RALGAPA2: variants seen among roughly 807,000 people sequenced by gnomAD.
The protein encoded by RALGAPA2 is ral GTPase-activating protein subunit alpha-2.
RALGAPA2 carries 139 observed loss-of-function variants against 230.4 expected under a neutral mutation model. The observed-to-expected ratio is 0.60, with a 90% CI of 0.53 to 0.69. RALGAPA2 has a LOEUF of 0.69. Ranked by LOEUF, RALGAPA2 falls within the 30% of genes least tolerant of loss-of-function variation. RALGAPA2 has a pLI of 0.00. For synonymous variants in RALGAPA2, 847 were observed against 837.8 expected, an observed-to-expected ratio of 1.01 and a Z score of -0.19; for missense variants, 2,163 against 2,276.0, an observed-to-expected ratio of 0.95 and a Z score of 1.01.
intron 23 of RALGAPA2, among the ~76,000 whole-genome samples, chr20:20,547,894 T>C (rs942914715): frequency 6.6e-6 from 1 of 152,204 alleles, no homozygotes; most frequent in African/African-American, 2.4e-5. Context: ...GCACAACATG[T>C]TACTATACCG....
At chr20:20,541,560 A>T (rs1183017040) in intron 24 of RALGAPA2, among the ~76,000 whole-genome samples, 1 of 152,178 alleles carries the variant, frequency 6.6e-6, no homozygotes, top group African/African-American at 2.4e-5. Context: ...TACCACGTGG[A>T]TCCACTGGAC....
At chr20:20,430,390 T>A (rs565517169) in intron 37 of RALGAPA2, among the ~76,000 whole-genome samples, 71 of 152,352 alleles carry the variant, frequency 4.7e-4, no homozygotes, top group African/African-American at 1.6e-3. Flanking sequence ...CAGCAAGATC[T>A]TTCCCTTTAT....
chr20:20,608,113 A>C (rs879561288), intron 14 of RALGAPA2, among the ~76,000 whole-genome samples: 1 of 152,194 alleles, frequency 6.6e-6, no homozygotes, highest in Non-Finnish European at 1.5e-5. Flanking sequence ...AGCTTCTCCA[A>C]GGTTCCTTCA....
chr20:20,557,964 A>T (rs2064135964), intron 23 of RALGAPA2, among the ~76,000 whole-genome samples: 6 of 152,160 alleles, frequency 3.9e-5, no homozygotes, highest in Admixed American at 3.9e-4. Flanking sequence ...ATATTCGTGA[A>T]TAATGGGCCT....
At chr20:20,403,996 G>A (rs2059898690) in intron 38 of RALGAPA2, among the ~76,000 whole-genome samples, 1 of 152,230 alleles carries the variant, frequency 6.6e-6, no homozygotes, top group South Asian at 2.1e-4. Flanking sequence ...GGTCACAGCT[G>A]AGTGCTGCGG....
At chr20:20,694,568 T>C (rs1203858364) in intron 1 of RALGAPA2, among the ~76,000 whole-genome samples, 1 of 152,128 alleles carries the variant, frequency 6.6e-6, no homozygotes, top group African/African-American at 2.4e-5. Flanking sequence ...GCTAACAGCA[T>C]GTGAAGGCCT....
intron 37 of RALGAPA2, among the ~76,000 whole-genome samples, chr20:20,416,903 G>A (rs544305179): frequency 2.0e-5 from 3 of 152,236 alleles, no homozygotes; most frequent in Non-Finnish European, 2.9e-5. Context: ...AAGTGGCCCC[G>A]GACACAGGCA....
rs371931862 is a variant in RALGAPA2, at chr20:20,524,499, T to C, written c.3807A>G (p.Ala1269=). ...LLLCLLDWCM[A]LPVSVLLHPV... is the part of the protein sequence containing the mutation. ...GGTGGAGAAGGACACTCACGGGCAA[T>C]GCCATGCACCAGTCCAAGAGGCAGA... Residue 1269 remains alanine (A), a synonymous_variant, in exon 30 of 40, where the codon GCA becomes GCG. Coordinates refer to ENST00000202677, the MANE Select transcript of RALGAPA2 (RefSeq NM_020343.4). 1.7e-5 allele frequency: 28 copies of C among 1,613,704 alleles called. No homozygotes were observed. The African/African-American group carries it at 2.5e-4, about 15-fold the overall frequency.
chr20:20,507,541 G>A (rs945050654), intron 33 of RALGAPA2, among the ~76,000 whole-genome samples: 1 of 152,078 alleles, frequency 6.6e-6, no homozygotes, highest in Admixed American at 6.5e-5. Context: ...ATTTTTAGTA[G>A]AGACAGGGTT....
intron 37 of RALGAPA2, among the ~76,000 whole-genome samples, chr20:20,429,157 C>T (rs929033278): frequency 5.9e-5 from 9 of 152,204 alleles, no homozygotes; most frequent in African/African-American, 2.2e-4. Context: ...AAAGCAGAGA[C>T]AGGCAACAAA....
At chr20:20,594,073 T>C (rs2065375789) in intron 16 of RALGAPA2, among the ~76,000 whole-genome samples, 1 of 152,124 alleles carries the variant, frequency 6.6e-6, no homozygotes, top group African/African-American at 2.4e-5. Flanking sequence ...CCACGATGCT[T>C]AAGTGTGCTG....
At chr20:20,396,869 A>C in intron 38 of RALGAPA2, 135 bp from the exon 39 acceptor site, 1 of 729,280 alleles carries the variant, frequency 1.4e-6, no homozygotes, top group Admixed American at 2.6e-5. Flanking sequence ...GTCAATCAGT[A>C]AAAACTGAAC....
At chr20:20,564,513 T>C (rs1224192578) in intron 23 of RALGAPA2, among the ~76,000 whole-genome samples, 2 of 152,244 alleles carry the variant, frequency 1.3e-5, no homozygotes, top group African/African-American at 4.8e-5. Flanking sequence ...ACTAGGTCTT[T>C]ACCATGGCAG....
chr20:20,507,805 T>C (rs1020964644), intron 33 of RALGAPA2, among the ~76,000 whole-genome samples: 1 of 152,210 alleles, frequency 6.6e-6, no homozygotes, highest in Admixed American at 6.5e-5. Context: ...CCAAGAGCTA[T>C]AAAAATTTGG....
At chr20:20,400,963 T>G (rs2122664832) in intron 38 of RALGAPA2, among the ~76,000 whole-genome samples, 1 of 152,346 alleles carries the variant, frequency 6.6e-6, no homozygotes, top group South Asian at 2.1e-4. Context: ...TTATATGAAA[T>G]GTCCAGAATG....
intron 36 of RALGAPA2, among the ~76,000 whole-genome samples, chr20:20,482,389 T>C (rs905919163): frequency 1.3e-5 from 2 of 152,124 alleles, no homozygotes; most frequent in Non-Finnish European, 2.9e-5. Flanking sequence ...AGAGAGTTCT[T>C]TTCTAGCTGA....
intron 13 of RALGAPA2, 96 bp from the exon 14 acceptor site, chr20:20,611,522 T>C (rs1183134289): frequency 5.4e-6 from 8 of 1,493,442 alleles, no homozygotes; most frequent in Admixed American, 2.0e-5. Flanking sequence ...TTCAGCAACA[T>C]TGATAATTAT....
chr20:20,398,463 A>C lies in RALGAPA2; in HGVS notation c.5618-1729T>G, dbSNP rs1295593202. Among the ~76,000 whole-genome samples the C allele has an allele frequency of 6.6e-6, 1 of 152,212 alleles. No homozygotes were observed. Among genetic ancestry groups the C allele is most frequent in the African/African-American group, 2.4e-5 (1 of 41,458 alleles). On this transcript the variant is annotated intron_variant, in intron 38 of 39. Coordinates refer to ENST00000202677, the MANE Select transcript of RALGAPA2 (RefSeq NM_020343.4). This position sits in a 1 kb window ranked among gnomAD's most constrained non-coding sequence, Gnocchi z 4.5. ...ATGGTTGAGTTAAGGAGATGCAAAG[A>C]CAGAGACAGTTGGGGGCTGCCTTGA... is the stretch of plus-strand genomic sequence containing the variant.
chr20:20,684,715 G>A (rs2068640589), intron 1 of RALGAPA2, among the ~76,000 whole-genome samples: 1 of 152,194 alleles, frequency 6.6e-6, no homozygotes, highest in African/African-American at 2.4e-5. Flanking sequence ...CACTTCAGAA[G>A]AGTTGAAATC....
Sources: allele counts gnomAD v4.1 joint callset (sites outside exome capture counted in the v4.1 genomes callset), GRCh38; gene constraint gnomAD v4.1.1; non-coding constraint Gnocchi (gnomAD v3.1); transcripts MANE v1.5; gene names NCBI Gene and HGNC (gene_info 2026-07-23, HGNC 2026-07-21).